The following PSMB2 variants were observed in gnomAD, a reference collection of about 807,000 sequenced individuals.
PSMB2 encodes the protein proteasome subunit beta type-2.
A neutral mutation model predicts 25.7 loss-of-function variants in PSMB2; 13 were observed. That is an observed-to-expected ratio of 0.51 (90% confidence interval 0.33 to 0.80). The LOEUF (loss-of-function observed/expected upper bound fraction) is 0.80. PSMB2 is among the 30% of genes least tolerant of loss of function. The pLI is 0.02. For synonymous variants in PSMB2, 87 were observed against 96.2 expected (o/e 0.90, Z 0.56); for missense variants, 202 against 259.0 (o/e 0.78, Z 1.51).
chr1:35,631,381 G>A (rs752957264), intron 2 of PSMB2, 37 bp from the exon 3 acceptor site: 1 of 1,610,526 alleles, frequency 6.2e-7, no homozygotes, highest in Non-Finnish European at 8.5e-7. Context: ...TTAAAGTAAA[G>A]CAGAAGGAAT....
intron 4 of PSMB2, among the ~76,000 whole-genome samples, chr1:35,608,928 T>C (rs887944652): frequency 2.0e-5 from 3 of 152,214 alleles, no homozygotes; most frequent in Admixed American, 1.3e-4. Flanking sequence ...CTTGAACTCT[T>C]AGAAATGAAG....
intron 3 of PSMB2, among the ~76,000 whole-genome samples, chr1:35,623,944 C>T (rs1440971524): frequency 1.3e-5 from 2 of 152,160 alleles, no homozygotes; most frequent in African/African-American, 4.8e-5. Context: ...ACAGATGATG[C>T]CTTTGTGCCA....
At chr1:35,639,310 T>C (rs1200321902) in intron 1 of PSMB2, among the ~76,000 whole-genome samples, 1 of 152,188 alleles carries the variant, frequency 6.6e-6, no homozygotes. Context: ...AAATTTCTAT[T>C]ATAATTTGTT....
chr1:35,618,940 C>G (rs1313504693), intron 3 of PSMB2, among the ~76,000 whole-genome samples: 1 of 152,230 alleles, frequency 6.6e-6, no homozygotes, highest in Non-Finnish European at 1.5e-5. Context: ...TATAAATTCT[C>G]ATACTATACT....
rs1380341787 is a variant in PSMB2, at chr1:35,636,382, C to T, written c.142G>A (p.Gly48Arg). ...MSEKILLLCV[G>R]EAGDTVQFAE... Reference sequence around the variant, plus strand: ...AACTGTACAGTGTCTCCAGCCTCTCCAACACACAGGAGTAATATCTTTTCA... The same window carrying T: ...AACTGTACAGTGTCTCCAGCCTCTCTAACACACAGGAGTAATATCTTTTCA... Residue 48 changes from glycine to arginine, a missense_variant, in exon 2 of 6, where the codon GGA (glycine) becomes AGA (arginine). Gly to Arg is a moderately radical substitution (Grantham distance 125, BLOSUM62 -2). Transcript: ENST00000373237. 1.9e-6 allele frequency: 3 copies of T among 1,613,986 alleles called. No individual in the cohort carries two copies. The highest frequency in any genetic ancestry group is 1.7e-6 in the Non-Finnish European group (2 of 1,179,900).
At chr1:35,637,862 A>G (rs1244156518) in intron 1 of PSMB2, among the ~76,000 whole-genome samples, 2 of 152,224 alleles carry the variant, frequency 1.3e-5, no homozygotes, top group African/African-American at 4.8e-5. Flanking sequence ...ACATTCACTT[A>G]TATTATCTAT....
chr1:35,619,164 T>C (rs1650600666), intron 3 of PSMB2, among the ~76,000 whole-genome samples: 1 of 152,266 alleles, frequency 6.6e-6, no homozygotes, highest in Non-Finnish European at 1.5e-5. Flanking sequence ...ATTGTCTTTG[T>C]TTTCCTTTAA....
At chr1:35,625,272 C>T (rs1650820309) in intron 3 of PSMB2, among the ~76,000 whole-genome samples, 1 of 152,166 alleles carries the variant, frequency 6.6e-6, no homozygotes, top group Admixed American at 6.5e-5. Context: ...AATGAAAACT[C>T]TTTGGCCAGT....
intron 3 of PSMB2, among the ~76,000 whole-genome samples, chr1:35,614,580 C>A (rs1389696715): frequency 6.6e-6 from 1 of 152,216 alleles, no homozygotes; most frequent in Non-Finnish European, 1.5e-5. Context: ...GCTTCTTCCA[C>A]ACCATAAGCT....
intron 3 of PSMB2, among the ~76,000 whole-genome samples, chr1:35,623,497 AG>A (rs1223319506): frequency 6.6e-6 from 1 of 152,232 alleles, no homozygotes; most frequent in African/African-American, 2.4e-5. Flanking sequence ...CATCACCAAA[AG>A]TAAGCTGGCT....
intron 3 of PSMB2, among the ~76,000 whole-genome samples, chr1:35,610,347 G>A (rs1243960445): frequency 1.3e-5 from 2 of 151,954 alleles, no homozygotes; most frequent in Non-Finnish European, 2.9e-5. Context: ...GGCTAAGGTG[G>A]GAGGATCACT....
At position 35,603,759 on chromosome 1, in the gene PSMB2, C is replaced by T. The variant is rs540031764; in HGVS notation, c.499-385G>A. 1.3e-4 allele frequency among the ~76,000 whole-genome samples: 20 copies of T among 152,206 alleles called. No homozygotes were observed. In the South Asian group the frequency reaches 2.3e-3, roughly 17 times the overall value. ...TAACAAAGAGTGATTGTCCTCAGAA[C>T]GAAGCAGAGGCCAGGAGCTGTGGCT... On this transcript the variant is annotated intron_variant, in intron 5 of 5. Coordinates refer to ENST00000373237, the MANE Select transcript of PSMB2 (RefSeq NM_002794.5).
intron 3 of PSMB2, among the ~76,000 whole-genome samples, chr1:35,614,492 T>C (rs867463773): frequency 1.3e-5 from 2 of 152,372 alleles, no homozygotes; most frequent in Non-Finnish European, 2.9e-5. Context: ...ACTATTCTAA[T>C]TGTTTAGATA....
At position 35,601,952 on chromosome 1, in the gene PSMB2, G is replaced by A. The variant is rs1650014214; in HGVS notation, c.*1315C>T. The A allele has an allele frequency of 2.1e-6, 2 of 957,102 alleles. No homozygotes were observed. The highest frequency in any genetic ancestry group is 2.5e-6 in the Non-Finnish European group (2 of 804,348). 59.3% of individuals were successfully genotyped at this position (957,102 alleles called of 1,614,324 possible). On this transcript the variant is annotated 3_prime_UTR_variant, in exon 6 of 6. Coordinates refer to ENST00000373237, the MANE Select transcript of PSMB2 (RefSeq NM_002794.5). ...CAATTTAATGGAAAATTATGCAACT[G>A]TCAACAAGAATAAGCATATCTATAT...
intron 4 of PSMB2, among the ~76,000 whole-genome samples, chr1:35,608,457 T>C (rs182657216): frequency 1.3e-5 from 2 of 152,114 alleles, no homozygotes; most frequent in Non-Finnish European, 2.9e-5. Context: ...TAACAATATA[T>C]AGTTTCAAAT....
rs1649968440 is a variant in PSMB2 at position 35,600,739 on chromosome 1, A to C, written c.*2528T>G. The C allele has an allele frequency of 1.0e-6, 1 of 985,306 alleles. No individual in the cohort carries two copies. Among genetic ancestry groups the C allele is most frequent in the Admixed American group, 6.1e-5 (1 of 16,262 alleles). The allele number at this position is 985,306 out of a possible 1,614,324, so 61.0% of individuals were successfully genotyped here. A position where few individuals can be genotyped will look rare whatever the true frequency, so the allele number is the denominator to read the frequency against. ...TCCAGATTGGCAAAAAAACACTGAG[A>C]GTCAGGATGGGTTTGCAGGCTTGCC... On this transcript the variant is annotated 3_prime_UTR_variant, in exon 6 of 6. Coordinates refer to ENST00000373237, the MANE Select transcript of PSMB2 (RefSeq NM_002794.5).
rs1404744316 is a variant in PSMB2, at chr1:35,641,507, A to G, written c.-75T>C. The G allele has an allele frequency of 1.3e-6, 2 of 1,591,874 alleles. No individual in the cohort carries two copies. The highest frequency in any genetic ancestry group is 1.7e-4 in the Middle Eastern group (1 of 6,020). On this transcript the variant is annotated 5_prime_UTR_variant, in exon 1 of 6. Transcript: ENST00000373237. ...CGCTTCCAGGTCTCACCGGTGAGAC[A>G]GCACCTCAGAGCGAAGATTGGCGCG...
At chr1:35,605,654 C>T (rs986516620) in intron 4 of PSMB2, among the ~76,000 whole-genome samples, 1 of 152,206 alleles carries the variant, frequency 6.6e-6, no homozygotes, top group African/African-American at 2.4e-5. Context: ...TCCATCTGCC[C>T]CAGTCAGCTG....
intron 3 of PSMB2, among the ~76,000 whole-genome samples, chr1:35,613,058 G>T (rs1650386321): frequency 6.6e-6 from 1 of 152,222 alleles, no homozygotes; most frequent in African/African-American, 2.4e-5. Flanking sequence ...ACCAAAGTTG[G>T]TATTCAGAAG....
Sources: allele counts gnomAD v4.1 joint callset (sites outside exome capture counted in the v4.1 genomes callset), GRCh38; gene constraint gnomAD v4.1.1; transcripts MANE v1.5; gene names NCBI Gene and HGNC (gene_info 2026-07-23, HGNC 2026-07-21).